Variants in CDYL observed in about 807,000 individuals in gnomAD.
CDYL encodes the protein chromodomain Y-like protein.
A neutral mutation model predicts 47.3 loss-of-function variants in CDYL; 8 were observed. The ratio of observed to expected loss-of-function variants is 0.17; its 90% CI spans 0.10 to 0.31. The LOEUF is 0.31. Ranked by LOEUF, CDYL falls within the 10% of genes least tolerant of loss-of-function variation. CDYL has a pLI of 1.00. For missense variants in CDYL, 471 were observed against 701.4 expected (o/e 0.67, Z 3.71); for synonymous variants, 266 against 265.0 (o/e 1.00, Z -0.04).
In CDYL at chr6:4,847,928, A is replaced by G. The variant is rs1272443724; in HGVS notation, c.25-43785A>G. ...GTTGATTCTGTAGGTTGGGATTGCC[A>G]TAAGGTTGGTTAGAAAAAAGATGTG... On this transcript the variant is annotated intron_variant, in intron 1 of 6. Transcript: ENST00000397588. 2.0e-5 allele frequency among the ~76,000 whole-genome samples: 3 copies of G among 152,280 alleles called. No homozygotes were observed. The East Asian group carries it at 5.8e-4, about 29-fold the overall frequency.
chr6:4,954,156 A>C lies in CDYL; in HGVS notation c.*100A>C. On this transcript the variant is annotated 3_prime_UTR_variant, in exon 7 of 7. Transcript: ENST00000397588. Reference sequence around the variant, plus strand: ...CATTCTCACAGCCTGAAACAAGCTCACCCGTAGCTTACGCTTGGAAGCAGG... The same window carrying C: ...CATTCTCACAGCCTGAAACAAGCTCCCCCGTAGCTTACGCTTGGAAGCAGG... The C allele has an allele frequency of 9.2e-6, 12 of 1,303,008 alleles. No individual in the cohort carries two copies. Among genetic ancestry groups the C allele is most frequent in the Non-Finnish European group, 1.1e-5 (11 of 957,816 alleles). 80.7% of individuals were successfully genotyped at this position (1,303,008 alleles called of 1,614,324 possible). A position where few individuals can be genotyped will look rare whatever the true frequency, so the allele number is the denominator to read the frequency against.
chr6:4,715,769 G>A, exon 2 of CDYL: 1 of 1,613,992 alleles, frequency 6.2e-7, no homozygotes, highest in Non-Finnish European at 8.5e-7. Context: ...AGAGCCCCCG[G>A]AAGAATTTTA....
At chr6:4,745,425 C>G (rs889990986) in intron 3 of CDYL, among the ~76,000 whole-genome samples, 4 of 151,994 alleles carry the variant, frequency 2.6e-5, no homozygotes, top group African/African-American at 9.7e-5. Context: ...TCTTTCCCTC[C>G]CTCCTTTCTT....
intron 3 of CDYL, among the ~76,000 whole-genome samples, chr6:4,763,034 G>A (rs1758199900): frequency 6.6e-6 from 1 of 152,046 alleles, no homozygotes; most frequent in Non-Finnish European, 1.5e-5. Flanking sequence ...GGTAAAAATA[G>A]CAAGAGAAGA....
At chr6:4,747,060 G>A (rs2127418794) in intron 3 of CDYL, among the ~76,000 whole-genome samples, 1 of 152,256 alleles carries the variant, frequency 6.6e-6, no homozygotes, top group South Asian at 2.1e-4. Context: ...TGTAATCCCA[G>A]CACTTTGGGA....
chr6:4,710,746 C>T (rs1757136995), intron 1 of CDYL, among the ~76,000 whole-genome samples: 1 of 152,178 alleles, frequency 6.6e-6, no homozygotes, highest in African/African-American at 2.4e-5. Context: ...CCCTCCCCTA[C>T]TCACATTCTA....
At chr6:4,773,313 C>T, upstream of CDYL, 1 of 372,458 alleles carries the variant, frequency 2.7e-6, no homozygotes, top group South Asian at 2.0e-5. The surrounding 1 kb of genome is among the most constrained non-coding windows in gnomAD (Gnocchi z 4.6). Context: ...TGTATTTTTG[C>T]TGCAATCTTC....
intron 3 of CDYL, among the ~76,000 whole-genome samples, chr6:4,735,846 A>T (rs1428402148): frequency 6.6e-6 from 1 of 152,172 alleles, no homozygotes; most frequent in Non-Finnish European, 1.5e-5. Flanking sequence ...TTATAAACAT[A>T]TCCATCATCT....
chr6:4,865,850 T>C (rs1761304840), intron 1 of CDYL, among the ~76,000 whole-genome samples: 1 of 152,242 alleles, frequency 6.6e-6, no homozygotes, highest in South Asian at 2.1e-4. Flanking sequence ...TGTCAGTTGT[T>C]GAATGACTTC....
chr6:4,845,786 A>G (rs969337784), intron 1 of CDYL, among the ~76,000 whole-genome samples: 1 of 152,222 alleles, frequency 6.6e-6, no homozygotes, highest in South Asian at 2.1e-4. Context: ...TCTTTTTCCA[A>G]CCGCTGAAAA....
At chr6:4,903,878 C>T (rs1453756817) in intron 2 of CDYL, among the ~76,000 whole-genome samples, 6 of 152,228 alleles carry the variant, frequency 3.9e-5, no homozygotes, top group East Asian at 1.9e-4. Flanking sequence ...ACCCATCAGC[C>T]GTCTGCCTGG....
intron 1 of CDYL, among the ~76,000 whole-genome samples, chr6:4,709,971 A>G (rs1757119224): frequency 6.6e-6 from 1 of 152,144 alleles, no homozygotes; most frequent in Non-Finnish European, 1.5e-5. Flanking sequence ...CTGTAATCTC[A>G]GCACTTTGGG....
chr6:4,722,644 T>C (rs1757393067), intron 2 of CDYL, among the ~76,000 whole-genome samples: 1 of 152,094 alleles, frequency 6.6e-6, no homozygotes, highest in Non-Finnish European at 1.5e-5. Context: ...TGGGAGGCCA[T>C]GGCAGGTAGA....
At chr6:4,809,614 G>A (rs767752883) in intron 1 of CDYL, among the ~76,000 whole-genome samples, 14 of 149,864 alleles carry the variant, frequency 9.3e-5, no homozygotes, top group East Asian at 3.9e-4. Flanking sequence ...TATGGTAGGG[G>A]TATTATATTA....
chr6:4,746,175 C>T (rs1250192336), intron 3 of CDYL, among the ~76,000 whole-genome samples: 2 of 151,878 alleles, frequency 1.3e-5, no homozygotes, highest in Non-Finnish European at 2.9e-5. Flanking sequence ...ACCGGCCTGA[C>T]CAACATGGTG....
chr6:4,718,964 C>T (rs1295016676), intron 2 of CDYL, among the ~76,000 whole-genome samples: 1 of 151,394 alleles, frequency 6.6e-6, no homozygotes, highest in East Asian at 1.9e-4. Flanking sequence ...GCTCTTGTTG[C>T]CCAGGCTGGA....
chr6:4,783,417 CTTT>C (rs1554097730), intron 1 of CDYL, among the ~76,000 whole-genome samples: 4 of 137,388 alleles, frequency 2.9e-5, no homozygotes, highest in Admixed American at 1.5e-4. Context: ...ATTCTTGAGA[CTTT>C]TTTTTTTTTT....
At chr6:4,909,747 T>A (rs905890871) in intron 2 of CDYL, among the ~76,000 whole-genome samples, 12 of 152,012 alleles carry the variant, frequency 7.9e-5, no homozygotes, top group African/African-American at 2.2e-4. Flanking sequence ...TTTTTTTTTT[T>A]TTATTTTTAG....
intron 1 of CDYL, among the ~76,000 whole-genome samples, chr6:4,883,342 A>G (rs1415655353): frequency 1.3e-5 from 2 of 152,120 alleles, no homozygotes; most frequent in Non-Finnish European, 2.9e-5. Context: ...AGATTTTTGC[A>G]AGGGACTGAA....
Sources: gnomAD v4.1 joint callset for allele counts (sites outside exome capture counted in the v4.1 genomes callset) on GRCh38, gnomAD v4.1.1 for gene constraint, Gnocchi (gnomAD v3.1) non-coding constraint, MANE v1.5 for transcripts, NCBI Gene and HGNC (gene_info 2026-07-23, HGNC 2026-07-21) for gene names.